Variants in PAPPA2 observed in about 807,000 individuals in gnomAD.
PAPPA2 encodes pappalysin 2, also known as pappalysin-2.
Under a neutral mutation model 176.4 loss-of-function variants are expected in PAPPA2, and 86 were observed. That is an observed-to-expected ratio of 0.49 (90% CI 0.41 to 0.58). The LOEUF is 0.58. Among genes scored for constraint, PAPPA2 ranks in the 20% least tolerant of loss-of-function variants. PAPPA2 has a pLI of 0.00. For synonymous variants in PAPPA2, 809 were observed against 852.2 expected, an observed-to-expected ratio of 0.95 and a Z score of 0.88; for missense variants, 2,073 against 2,256.9, an observed-to-expected ratio of 0.92 and a Z score of 1.65.
intron 3 of PAPPA2, among the ~76,000 whole-genome samples, chr1:176,635,000 TAG>T (rs1656611820): frequency 6.8e-6 from 1 of 146,248 alleles, no homozygotes; most frequent in Non-Finnish European, 1.5e-5. Context: ...GATAGATAGA[TAG>T]ATAGATAGAT....
chr1:176,634,950 GATAGATAGATAGATAA>G (rs1403879531), intron 3 of PAPPA2, among the ~76,000 whole-genome samples: 1,664 of 120,426 alleles, frequency 0.014, 16 homozygotes, highest in South Asian at 0.049. Context: ...ATGATAGGTA[GATAGATAGATAGATAA>G]ATAGATAGAT....
intron 3 of PAPPA2, among the ~76,000 whole-genome samples, chr1:176,653,925 C>T (rs776942707): frequency 2.0e-5 from 3 of 151,664 alleles, no homozygotes; most frequent in Non-Finnish European, 4.4e-5. Context: ...TGGATTTCTT[C>T]GTACCTCTTC....
At chr1:176,799,886 G>C (rs1327112868) in intron 20 of PAPPA2, among the ~76,000 whole-genome samples, 175 bp from the exon 21 acceptor site, 1 of 152,118 alleles carries the variant, frequency 6.6e-6, no homozygotes, top group Non-Finnish European at 1.5e-5. Flanking sequence ...CTGTCAGGGT[G>C]GGCAGTGTGC....
intron 4 of PAPPA2, among the ~76,000 whole-genome samples, chr1:176,683,272 G>T (rs137915236): frequency 1.3e-5 from 2 of 151,894 alleles, no homozygotes; most frequent in Admixed American, 1.3e-4. Context: ...TATTGTTTTG[G>T]CTTGTCTTTT....
intron 2 of PAPPA2, among the ~76,000 whole-genome samples, chr1:176,588,032 C>A (rs940987872): frequency 1.4e-4 from 22 of 152,184 alleles, no homozygotes; most frequent in Admixed American, 1.2e-3. Context: ...ATTGATTCTT[C>A]CTATCCATGA....
chr1:176,738,559 T>A (rs1662524750), intron 12 of PAPPA2, among the ~76,000 whole-genome samples: 1 of 152,170 alleles, frequency 6.6e-6, no homozygotes, highest in Non-Finnish European at 1.5e-5. Context: ...ACAATTTTCC[T>A]GGAGCTTCAT....
At chr1:176,758,600 G>A (rs1458708655) in intron 14 of PAPPA2, among the ~76,000 whole-genome samples, 1 of 152,168 alleles carries the variant, frequency 6.6e-6, no homozygotes, top group African/African-American at 2.4e-5. Flanking sequence ...AAGTGAAACA[G>A]TAGAGAAAAA....
At chr1:176,591,119 AC>A (rs1653636442) in intron 2 of PAPPA2, among the ~76,000 whole-genome samples, 1 of 150,632 alleles carries the variant, frequency 6.6e-6, no homozygotes, top group South Asian at 2.1e-4. Context: ...ACACACACAC[AC>A]ACACAAAATT....
At chr1:176,709,857 C>G in intron 10 of PAPPA2, 126 bp from the exon 11 acceptor site, 1 of 763,834 alleles carries the variant, frequency 1.3e-6, no homozygotes, top group Non-Finnish European at 2.1e-6. Context: ...AGGCATTAGA[C>G]TGGCAGGCAA....
chr1:176,621,711 C>A (rs1655608989), intron 3 of PAPPA2, among the ~76,000 whole-genome samples: 1 of 151,990 alleles, frequency 6.6e-6, no homozygotes, highest in Admixed American at 6.5e-5. Context: ...TGTGAGGAAC[C>A]TGCTCTGTCA....
chr1:176,632,396 G>A (rs1656393184), intron 3 of PAPPA2, among the ~76,000 whole-genome samples: 2 of 152,088 alleles, frequency 1.3e-5, no homozygotes, highest in Non-Finnish European at 1.5e-5. Flanking sequence ...TAGTCAGTGG[G>A]GAAGGGATCA....
chr1:176,817,796 T>C (rs1557890531), intron 21 of PAPPA2, among the ~76,000 whole-genome samples: 1 of 152,046 alleles, frequency 6.6e-6, no homozygotes, highest in Non-Finnish European at 1.5e-5. Flanking sequence ...GGCTTGGCTT[T>C]AGACTGAGTT....
At chr1:176,581,630 T>C (rs1652964868) in intron 2 of PAPPA2, among the ~76,000 whole-genome samples, 1 of 152,172 alleles carries the variant, frequency 6.6e-6, no homozygotes, top group African/African-American at 2.4e-5. Flanking sequence ...TCTTTATTTC[T>C]TTCATCAGTG....
intron 3 of PAPPA2, among the ~76,000 whole-genome samples, chr1:176,652,707 A>G (rs1657801273): frequency 1.3e-5 from 2 of 151,588 alleles, no homozygotes; most frequent in Admixed American, 6.6e-5. Flanking sequence ...GATGCTTCCC[A>G]TGGGTTGAGA....
At chr1:176,803,739 T>G (rs1285672895) in intron 21 of PAPPA2, among the ~76,000 whole-genome samples, 2 of 152,240 alleles carry the variant, frequency 1.3e-5, no homozygotes, top group Non-Finnish European at 2.9e-5. Context: ...TTCTTTCTAT[T>G]GTGTCTCTTC....
intron 3 of PAPPA2, among the ~76,000 whole-genome samples, chr1:176,662,959 A>G (rs955332441): frequency 6.6e-6 from 1 of 152,220 alleles, no homozygotes; most frequent in African/African-American, 2.4e-5. Flanking sequence ...TGAGAATTAA[A>G]ATCAAACTAT....
chr1:176,733,363 A>G (rs1662249237), intron 12 of PAPPA2, among the ~76,000 whole-genome samples: 1 of 152,188 alleles, frequency 6.6e-6, no homozygotes, highest in Non-Finnish European at 1.5e-5. Flanking sequence ...ATCCTGCAAA[A>G]GCACAGATGA....
chr1:176,633,943 A>G (rs1482928889), intron 3 of PAPPA2, among the ~76,000 whole-genome samples: 1 of 152,234 alleles, frequency 6.6e-6, no homozygotes, highest in African/African-American at 2.4e-5. Context: ...TCAGGAAACA[A>G]CAGGTGCTGG....
intron 1 of PAPPA2, among the ~76,000 whole-genome samples, chr1:176,537,952 G>A (rs1650156668): frequency 1.3e-5 from 2 of 151,898 alleles, no homozygotes; most frequent in African/African-American, 4.8e-5. Flanking sequence ...TATGTGTCCT[G>A]AATCCAACCA....
Sources: allele counts gnomAD v4.1 joint callset (sites outside exome capture counted in the v4.1 genomes callset), GRCh38; gene constraint gnomAD v4.1.1; transcripts MANE v1.5; gene names NCBI Gene and HGNC (gene_info 2026-07-23, HGNC 2026-07-21).